Variants in OR7G2 observed in about 807,000 individuals in gnomAD.
The protein encoded by OR7G2 is olfactory receptor 7G2.
For synonymous variants in OR7G2, 153 were observed against 152.2 expected, an observed-to-expected ratio of 1.01 and a Z score of -0.04; for missense variants, 362 against 384.0, an observed-to-expected ratio of 0.94 and a Z score of 0.48.
At position 9,102,281 on chromosome 19, in the gene OR7G2, C is replaced by A; in HGVS notation, c.963G>T (p.Arg321Ser). ...CTGTCACTTTGACTTACTCTAGAAA[C>A]CTGAATCCAAAGCAAATGGCACACC... ...LLWCAICFGF[R>S]FLE Residue 321 changes from arginine to serine, a missense_variant, in exon 2 of 2, where the codon AGG becomes AGT. Coordinates refer to ENST00000641081, the MANE Select transcript of OR7G2 (RefSeq NM_001005193.2). 6.2e-7 allele frequency: 1 copy of A among 1,601,302 alleles called. No individual in the cohort carries two copies. Among genetic ancestry groups the A allele is most frequent in the African/African-American group, 1.3e-5 (1 of 74,530 alleles).
intron 1 of OR7G2, among the ~76,000 whole-genome samples, chr19:9,105,303 A>G (rs960957748): frequency 7.9e-5 from 12 of 152,020 alleles, no homozygotes; most frequent in African/African-American, 2.9e-4. Flanking sequence ...TTATTATAAG[A>G]CACTAACTCA....
chr19:9,104,706 G>A (rs12609486), intron 1 of OR7G2, among the ~76,000 whole-genome samples: 43,969 of 150,920 alleles, frequency 0.29, 7,193 homozygotes, highest in East Asian at 0.59. Context: ...GGGCGCCTGT[G>A]GTCCCAGCTA....
At chr19:9,103,440 G>T in intron 1 of OR7G2, 181 bp from the exon 2 acceptor site, 1 of 579,322 alleles carries the variant, frequency 1.7e-6, no homozygotes, top group South Asian at 2.2e-5. Context: ...GCTGAATTTT[G>T]AGAAACAGTT....
intron 1 of OR7G2, among the ~76,000 whole-genome samples, chr19:9,104,088 T>C (rs1287842725): frequency 6.6e-6 from 1 of 152,032 alleles, no homozygotes; most frequent in Non-Finnish European, 1.5e-5. Context: ...GGTCTCACCA[T>C]GTAGGTCAGG....
chr19:9,103,057 G>A lies in OR7G2; in HGVS notation c.187C>T (p.Leu63Phe). 6 of 1,614,114 alleles carry A rather than the reference G, an allele frequency of 3.7e-6. No homozygotes were observed. In the Middle Eastern group the frequency reaches 6.6e-4, roughly 178 times the overall value. ...ATGTCCAAAAAGGAGAGATTGGAGA[G>A]GAAGAAGTACATGGGGGTGTGGAGG... ...SHLHTPMYFF[L>F]SNLSFLDICL... The change falls in exon 2 of 2, where the codon CTC (leucine) becomes TTC (phenylalanine). Residue 63 changes from leucine to phenylalanine, a missense_variant. Coordinates refer to ENST00000641081, the MANE Select transcript of OR7G2 (RefSeq NM_001005193.2).
chr19:9,104,130 G>T (rs528345420), intron 1 of OR7G2, among the ~76,000 whole-genome samples: 1 of 151,752 alleles, frequency 6.6e-6, no homozygotes, highest in African/African-American at 2.4e-5. Context: ...CAAGTGATCC[G>T]CCTGCCTCAG....
chr19:9,103,353 ACTT>A (rs1240815049), intron 1 of OR7G2, 94 bp from the exon 2 acceptor site: 6 of 1,239,450 alleles, frequency 4.8e-6, no homozygotes, highest in Non-Finnish European at 6.9e-6. Context: ...CCCTCCCCAG[ACTT>A]CTTGCTGATA....
intron 1 of OR7G2, among the ~76,000 whole-genome samples, chr19:9,105,333 G>A (rs749404960): frequency 1.3e-5 from 2 of 151,926 alleles, no homozygotes; most frequent in Admixed American, 6.6e-5. Context: ...CTTCTTCTAC[G>A]TGCTGAGAAT....
Position 9,102,587 on chromosome 19 carries a change from A to G in OR7G2, c.657T>C (p.Thr219=). The change falls in exon 2 of 2, where the codon ACT becomes ACC. Residue 219 remains threonine (T), a synonymous_variant. Coordinates refer to ENST00000641081, the MANE Select transcript of OR7G2 (RefSeq NM_001005193.2). The part of the protein sequence containing the change: ...VPLSGIILSY[T]QITSCVLRMP... ...TTCTCAAAACACAGGAGGTGATCTG[A>G]GTGTAAGACAAAATGATTCCAGACA... is the stretch of plus-strand genomic sequence containing the variant. 6.2e-7 allele frequency: 1 copy of G among 1,614,192 alleles called. No individual in the cohort carries two copies. Among genetic ancestry groups the G allele is most frequent in the South Asian group, 1.1e-5 (1 of 91,084 alleles).
In OR7G2 at chr19:9,102,443, T is replaced by A. The variant is rs2050359647; in HGVS notation, c.801A>T (p.Ser267=). Reference sequence around the variant, plus strand: ...CTGAAGCCACTGCAGTCTTCCTAGGTGAGTCAGTAACCACAGAACTAATGT... The same window carrying A: ...CTGAAGCCACTGCAGTCTTCCTAGGAGAGTCAGTAACCACAGAACTAATGT... ...GVYISSVVTD[S]PRKTAVASVM... is the part of the protein sequence containing the mutation. Residue 267 remains serine, a synonymous_variant, in exon 2 of 2, where the codon TCA becomes TCT. Transcript: ENST00000641081. 2 of 1,613,848 alleles carry A rather than the reference T, an allele frequency of 1.2e-6. No homozygotes were observed. Among genetic ancestry groups the A allele is most frequent in the Non-Finnish European group, 1.7e-6 (2 of 1,179,876 alleles).
At chr19:9,106,543 A>G (rs1205504369) in intron 1 of OR7G2, among the ~76,000 whole-genome samples, 26 of 151,840 alleles carry the variant, frequency 1.7e-4, no homozygotes, top group Admixed American at 1.3e-3. Flanking sequence ...ATGGTGGCTC[A>G]TGCCTGTAAT....
chr19:9,104,533 T>A (rs574984054), intron 1 of OR7G2, among the ~76,000 whole-genome samples: 45 of 152,198 alleles, frequency 3.0e-4, no homozygotes, highest in Non-Finnish European at 4.4e-4. Flanking sequence ...ATTTAAAAAA[T>A]TTTAAAATTC....
chr19:9,101,040 G>A lies in OR7G2; in HGVS notation c.*1229C>T, dbSNP rs79679194. ...CCTAGCTTCCTAGGAGGCTGAGGTA[G>A]GAGGGTCCCTGGAGTTTGAGCCCTG... On this transcript the variant is annotated 3_prime_UTR_variant, in exon 2 of 2. Coordinates refer to ENST00000641081, the MANE Select transcript of OR7G2 (RefSeq NM_001005193.2). The A allele has an allele frequency of 0.073, 11,069 of 152,410 alleles. 553 individuals are homozygous for A. The highest frequency in any genetic ancestry group is 0.15 in the South Asian group (719 of 4,816). The allele number at this position is 152,410 out of a possible 1,614,324, so 9.4% of individuals were successfully genotyped here.
In OR7G2 at chr19:9,102,491, G is replaced by A. The variant is rs765812660; in HGVS notation, c.753C>T (p.Phe251=). 1 of 1,614,062 alleles carries A rather than the reference G, an allele frequency of 6.2e-7. No individual in the cohort carries two copies. The highest frequency in any genetic ancestry group is 1.7e-5 in the Admixed American group (1 of 59,976). Residue 251 remains phenylalanine (F), a synonymous_variant, in exon 2 of 2, where the codon TTC becomes TTT. Transcript: ENST00000641081. ...CGSHLSIVLL[F]YGAGLGVYIS... ...TGTACACCCCCAAACCTGCCCCATA[G>A]AACAAGAGAACAATGGAGAGGTGAG...
rs1217818432 is a variant in OR7G2, at chr19:9,107,397, T to G, written c.-100A>C. ...CAAAAATATCATGTCTGGAAGGAGG[T>G]TCTGATGCAGCTTCCGAGCTGGGTA... On this transcript the variant is annotated 5_prime_UTR_variant, in exon 1 of 2. Transcript: ENST00000641081. 1 of 152,028 alleles carries G rather than the reference T, an allele frequency of 6.6e-6. No individual in the cohort carries two copies. Among genetic ancestry groups the G allele is most frequent in the Non-Finnish European group, 1.5e-5 (1 of 68,010 alleles). 9.4% of individuals were successfully genotyped at this position (152,028 alleles called of 1,614,324 possible). A position where few individuals can be genotyped will look rare whatever the true frequency, so the allele number is the denominator to read the frequency against.
rs1273273213 is a variant in OR7G2 at position 9,102,706 on chromosome 19, C to G, written c.538G>C (p.Glu180Gln). 6.2e-7 allele frequency: 1 copy of G among 1,613,984 alleles called. No individual in the cohort carries two copies. Among genetic ancestry groups the G allele is most frequent in the African/African-American group, 1.3e-5 (1 of 74,900 alleles). Residue 180 changes from glutamate (E) to glutamine (Q), a missense_variant, in exon 2 of 2, where the codon GAA becomes CAA. Transcript: ENST00000641081. ...TDLEIPLFFC[E>Q]LAQVIQLTCS... ...GTGAGTTGGATGACCTGAGCCAGTT[C>G]ACAGAAGAAGAGCGGGATTTCCAGG...
At position 9,102,076 on chromosome 19, in the gene OR7G2, G is replaced by A. The variant is rs893194559; in HGVS notation, c.*193C>T. The A allele has an allele frequency of 2.6e-5, 13 of 503,338 alleles. No homozygotes were observed. In the Admixed American group the frequency reaches 2.9e-4, roughly 11 times the overall value. The allele number at this position is 503,338 out of a possible 1,614,324, so 31.2% of individuals were successfully genotyped here. ...AAATTAGCCAGGCATGGTGGCAGGCGCCTGTAATCCCCACTACTCAGGAGG... is the reference window on the plus strand; with the variant it reads ...AAATTAGCCAGGCATGGTGGCAGGCACCTGTAATCCCCACTACTCAGGAGG... On this transcript the variant is annotated 3_prime_UTR_variant, in exon 2 of 2. Transcript: ENST00000641081.
chr19:9,105,441 A>G (rs1052425685), intron 1 of OR7G2, among the ~76,000 whole-genome samples: 5 of 152,248 alleles, frequency 3.3e-5, no homozygotes, highest in Admixed American at 6.5e-5. Context: ...TTCAACATAC[A>G]GAAATCAATA....
chr19:9,104,182 C>T (rs893344340), intron 1 of OR7G2, among the ~76,000 whole-genome samples: 2 of 152,112 alleles, frequency 1.3e-5, no homozygotes, highest in Non-Finnish European at 2.9e-5. Flanking sequence ...CCATCACGCT[C>T]GGCCAAAGAA....
Sources: allele counts gnomAD v4.1 joint callset (sites outside exome capture counted in the v4.1 genomes callset), GRCh38; gene constraint gnomAD v4.1.1; transcripts MANE v1.5; gene names NCBI Gene and HGNC (gene_info 2026-07-23, HGNC 2026-07-21).